The following RNF123 variants were observed in gnomAD, a reference collection of about 807,000 sequenced individuals.
RNF123 encodes E3 ubiquitin-protein ligase RNF123.
A neutral mutation model predicts 168.5 loss-of-function variants in RNF123; 86 were observed. That is an observed-to-expected ratio of 0.51 (90% CI 0.43 to 0.61). The LOEUF (loss-of-function observed/expected upper bound fraction) is 0.61. Ranked by LOEUF, RNF123 falls within the 20% of genes least tolerant of loss-of-function variation. RNF123 has a pLI of 0.00. For synonymous variants in RNF123, 666 were observed against 689.1 expected (o/e 0.97, Z 0.52); for missense variants, 1,419 against 1,729.7 (o/e 0.82, Z 3.19).
Position 49,699,227 on chromosome 3 carries a change from G to A in RNF123, c.764+122G>A. 3.5e-5 allele frequency: 48 copies of A among 1,355,552 alleles called. 3 individuals carry two copies. In the South Asian group the frequency reaches 5.1e-4, roughly 15 times the overall value. The allele number at this position is 1,355,552 out of a possible 1,614,324, so 84.0% of individuals were successfully genotyped here. On this transcript the variant is annotated intron_variant, in intron 10 of 38. Coordinates refer to ENST00000327697, the MANE Select transcript of RNF123 (RefSeq NM_022064.5). This position sits in a 1 kb window ranked among gnomAD's most constrained non-coding sequence, Gnocchi z 4.8. ...AGGCCCTGGCTGCTGCAGAGTTAGT[G>A]GGGGGCCATGTAGAGTGTCGAAGAA... is the stretch of plus-strand genomic sequence containing the variant.
chr3:49,718,922 C>T (rs772901832), intron 35 of RNF123: 6 of 1,613,660 alleles, frequency 3.7e-6, no homozygotes, highest in Non-Finnish European at 5.1e-6. Context: ...AGGTGGGTGG[C>T]GCTCAGACCG....
chr3:49,721,204 C>T lies in RNF123; in HGVS notation c.3844C>T (p.Leu1282=), dbSNP rs754581862. 1.9e-6 allele frequency: 3 copies of T among 1,614,220 alleles called. No homozygotes were observed. Among genetic ancestry groups the T allele is most frequent in the Non-Finnish European group, 2.5e-6 (3 of 1,180,044 alleles). The change falls in exon 39 of 39, where the codon CTG becomes TTG. Residue 1282 remains leucine (L), a synonymous_variant. Coordinates refer to ENST00000327697, the MANE Select transcript of RNF123 (RefSeq NM_022064.5). ...KSCKACINQH[L]MNNKDCFFCK... ...TTGTAGAGCCTGTATCAACCAGCAC[C>T]TGATGAACAACAAGGACTGCTTCTT...
In RNF123 at chr3:49,698,085, A is replaced by G. The variant is rs1575522217; in HGVS notation, c.431A>G (p.Gln144Arg). The change falls in exon 7 of 39, where the codon CAG (glutamine) becomes CGG (arginine). Residue 144 changes from glutamine to arginine, a missense_variant. Gln to Arg is a conservative substitution (Grantham distance 43). Coordinates refer to ENST00000327697, the MANE Select transcript of RNF123 (RefSeq NM_022064.5). ...CTCTACGAGGTCCTCATCTCCTCCC[A>G]GGGGCTCATGCAGATCGGCTGGTGC... ...KWLYEVLISSQGLMQIGWCTI... is the reference protein window; with the variant it reads ...KWLYEVLISSRGLMQIGWCTI... The G allele has an allele frequency of 3.7e-6, 6 of 1,613,974 alleles. No individual in the cohort carries two copies. The highest frequency in any genetic ancestry group is 5.1e-6 in the Non-Finnish European group (6 of 1,179,946).
chr3:49,721,419 C>T lies in RNF123; in HGVS notation c.*114C>T, dbSNP rs1462193786. 5 of 1,379,520 alleles carry T rather than the reference C, an allele frequency of 3.6e-6. No individual in the cohort carries two copies. The South Asian group carries it at 4.7e-5, about 13-fold the overall frequency. 85.5% of individuals were successfully genotyped at this position (1,379,520 alleles called of 1,614,324 possible). ...TGTATCCCACACCACCACATCCAAC[C>T]TCCTTGCCTGCCTGTATCCTCATTG... On this transcript the variant is annotated 3_prime_UTR_variant, in exon 39 of 39. Transcript: ENST00000327697.
intron 21 of RNF123, 74 bp downstream of exon 21, chr3:49,703,602 G>A: frequency 8.0e-7 from 1 of 1,257,204 alleles, no homozygotes; most frequent in South Asian, 1.3e-5. Context: ...GCTCTGCTGT[G>A]GATGCTGAGC....
In RNF123 at chr3:49,712,464, G is replaced by A. The variant is rs375829243; in HGVS notation, c.2497-15G>A. On this transcript the variant is annotated splice_polypyrimidine_tract_variant and intron_variant, in intron 26 of 38. Coordinates refer to ENST00000327697, the MANE Select transcript of RNF123 (RefSeq NM_022064.5). Reference sequence around the variant, plus strand: ...CTGGTGCGCAACCCAGCAGCACCCCGTGTGCCTCCTGCAGGAGAAGATGCT... The same window carrying A: ...CTGGTGCGCAACCCAGCAGCACCCCATGTGCCTCCTGCAGGAGAAGATGCT... 228 of 1,613,248 alleles carry A rather than the reference G, an allele frequency of 1.4e-4. No homozygotes were observed. The highest frequency in any genetic ancestry group is 1.4e-4 in the Non-Finnish European group (161 of 1,179,868).
rs375280606 is a variant in RNF123 at position 49,699,564 on chromosome 3, T to C, written c.861T>C (p.Ser287=). ...TGGGCTGCTTCCGGGCAGTGCTGAG[T>C]GTGGAGCTGGACCCTGTGGTGAGCT... ...RLLGCFRAVL[S]VELDPVEGRL... Residue 287 remains serine (S), a synonymous_variant, in exon 11 of 39, where the codon AGT becomes AGC. Coordinates refer to ENST00000327697, the MANE Select transcript of RNF123 (RefSeq NM_022064.5). This position sits in a 1 kb window ranked among gnomAD's most constrained non-coding sequence, Gnocchi z 4.8. 1.6e-5 allele frequency: 26 copies of C among 1,612,368 alleles called. No individual in the cohort carries two copies. The highest frequency in any genetic ancestry group is 2.2e-5 in the Non-Finnish European group (26 of 1,179,576).
intron 23 of RNF123, 31 bp downstream of exon 23, chr3:49,705,213 C>T (rs897015907): frequency 1.2e-5 from 19 of 1,572,904 alleles, no homozygotes; most frequent in African/African-American, 1.1e-4. Flanking sequence ...GGCAGGTCCC[C>T]GAAGGACCCT....
At chr3:49,711,003 C>T (rs756950094) in intron 26 of RNF123, among the ~76,000 whole-genome samples, 2 of 152,116 alleles carry the variant, frequency 1.3e-5, no homozygotes, top group South Asian at 2.1e-4. Flanking sequence ...GAGGCTGAAG[C>T]GGGAGGATCA....
intron 20 of RNF123, 84 bp from the exon 21 acceptor site, chr3:49,703,343 T>TA: frequency 1.8e-6 from 2 of 1,131,710 alleles, no homozygotes; most frequent in Non-Finnish European, 2.6e-6. Context: ...CAGGCTGTGC[T>TA]AGGCCAGATT....
At chr3:49,711,914 T>TCACACACCTTGTACTCCACTTTTC in intron 26 of RNF123, among the ~76,000 whole-genome samples, 1 of 152,214 alleles carries the variant, frequency 6.6e-6, no homozygotes, top group East Asian at 1.9e-4. Context: ...CTTGGGCCCT[T>TCACACACCTTGTACTCCACTTTTC]CACACACCTT....
intron 3 of RNF123, 23 bp downstream of exon 3, chr3:49,691,532 T>C (rs1575516305): frequency 1.9e-6 from 3 of 1,596,128 alleles, no homozygotes; most frequent in East Asian, 2.2e-5. Context: ...GGGTGGCCCC[T>C]CCTCACTCTG....
At chr3:49,690,498 A>C (rs1480778285) in intron 1 of RNF123, among the ~76,000 whole-genome samples, 2 of 152,244 alleles carry the variant, frequency 1.3e-5, no homozygotes, top group African/African-American at 4.8e-5. Context: ...TAGATGCACT[A>C]GGAGGACCAA....
At chr3:49,720,413 T>C in intron 35 of RNF123, 98 bp from the exon 36 acceptor site, 1 of 1,242,770 alleles carries the variant, frequency 8.0e-7, no homozygotes, top group Non-Finnish European at 1.1e-6. Context: ...GGGGGGGTGA[T>C]CATGTACGAG....
At chr3:49,701,403 A>ACATC in intron 15 of RNF123, 88 bp from the exon 16 acceptor site, 1 of 980,772 alleles carries the variant, frequency 1.0e-6, no homozygotes, top group Non-Finnish European at 1.6e-6. Context: ...TGTGGTAGGC[A>ACATC]CATCCAGGGA....
At chr3:49,713,066 T>A in intron 27 of RNF123, 1 of 622,620 alleles carries the variant, frequency 1.6e-6, no homozygotes, top group Non-Finnish European at 2.9e-6. Flanking sequence ...TGGACCCTGC[T>A]AGGGTCCACA....
chr3:49,700,096 T>G, intron 12 of RNF123, 131 bp from the exon 13 acceptor site: 1 of 1,323,208 alleles, frequency 7.6e-7, no homozygotes, highest in Non-Finnish European at 1.0e-6. Flanking sequence ...GAAGGGGTCA[T>G]CTATGTTTGG....
At chr3:49,703,623 C>G (rs892386497) in intron 21 of RNF123, 95 bp downstream of exon 21, 26 of 974,894 alleles carry the variant, frequency 2.7e-5, no homozygotes, top group Admixed American at 4.8e-5. Flanking sequence ...CATCCTATGG[C>G]CACCAGAGGG....
At chr3:49,704,599 T>G in intron 21 of RNF123, 51 bp from the exon 22 acceptor site, 6 of 1,489,150 alleles carry the variant, frequency 4.0e-6, no homozygotes, top group Non-Finnish European at 5.5e-6. Context: ...ACTTCCACTG[T>G]GGCCCCTTGC....
Sources: allele counts gnomAD v4.1 joint callset (sites outside exome capture counted in the v4.1 genomes callset), GRCh38; gene constraint gnomAD v4.1.1; non-coding constraint Gnocchi (gnomAD v3.1); transcripts MANE v1.5; gene names NCBI Gene and HGNC (gene_info 2026-07-23, HGNC 2026-07-21).